The following ATAD1 variants were observed in gnomAD, a reference collection of about 807,000 sequenced individuals.
ATAD1 encodes the protein outer mitochondrial transmembrane helix translocase.
Under a neutral mutation model 42.7 loss-of-function variants are expected in ATAD1, and 18 were observed. That is an observed-to-expected ratio of 0.42 (90% CI 0.29 to 0.63). The LOEUF is 0.63. ATAD1 is among the 20% of genes least tolerant of loss of function. The probability of loss-of-function intolerance (pLI) is 0.19; values close to 1 mark genes in which losing one functional copy is unlikely to be tolerated. For synonymous variants in ATAD1, 132 were observed against 143.1 expected (o/e 0.92, Z 0.55); for missense variants, 294 against 440.4 (o/e 0.67, Z 2.98).
intron 1 of ATAD1, among the ~76,000 whole-genome samples, chr10:87,833,708 C>T (rs1313409170): frequency 1.4e-5 from 2 of 143,190 alleles, no homozygotes; most frequent in South Asian, 2.2e-4. Context: ...TGTTCTTTCT[C>T]TCTCTCTTTC....
At chr10:87,798,625 GGTGTGTGTGTGTGT>G (rs71022506) in intron 2 of ATAD1, among the ~76,000 whole-genome samples, 2 of 124,860 alleles carry the variant, frequency 1.6e-5, no homozygotes, top group South Asian at 2.4e-4. Context: ...AGCTATAGGG[GGTGTGTGTGTGTGT>G]GTGTGTGTGT....
At chr10:87,758,574 C>A (rs1319293607) in intron 8 of ATAD1, among the ~76,000 whole-genome samples, 1 of 151,804 alleles carries the variant, frequency 6.6e-6, no homozygotes, top group Non-Finnish European at 1.5e-5. Context: ...ATAGACAATA[C>A]TTATGCTAAA....
chr10:87,814,737 T>A, intron 1 of ATAD1, 125 bp from the exon 2 acceptor site: 1 of 672,024 alleles, frequency 1.5e-6, no homozygotes, highest in Non-Finnish European at 2.1e-6. Flanking sequence ...ATTACCTACC[T>A]TAAAAAAAGT....
At chr10:87,815,044 T>G (rs998438920) in intron 1 of ATAD1, among the ~76,000 whole-genome samples, 4 of 152,090 alleles carry the variant, frequency 2.6e-5, no homozygotes, top group Non-Finnish European at 4.4e-5. Context: ...TACCAGGTAA[T>G]TTTTGAGTGA....
rs146231364 is a variant in ATAD1, at chr10:87,812,316, G to T, written c.162+2122C>A. On this transcript the variant is annotated intron_variant, in intron 2 of 9. Coordinates refer to ENST00000680024, the MANE Select transcript of ATAD1 (RefSeq NM_001321967.2). ...TTTTGAGATGGAGTCTCTCTCTGTT[G>T]CCCAGGCTGGAGTGCAGGGGTGTGA... Among the ~76,000 whole-genome samples, 1,452 of 152,204 alleles carry T rather than the reference G, an allele frequency of 9.5e-3. 33 individuals are homozygous for T. The highest frequency in any genetic ancestry group is 0.033 in the African/African-American group (1,369 of 41,536).
At chr10:87,804,218 A>T (rs952876528) in intron 2 of ATAD1, among the ~76,000 whole-genome samples, 2 of 152,222 alleles carry the variant, frequency 1.3e-5, no homozygotes, top group African/African-American at 4.8e-5. Flanking sequence ...AATAGTTTTC[A>T]AGTCTACAGT....
chr10:87,754,685 T>A lies in ATAD1; in HGVS notation c.*2A>T, dbSNP rs150121323. On this transcript the variant is annotated 3_prime_UTR_variant, in exon 10 of 10. Coordinates refer to ENST00000680024, the MANE Select transcript of ATAD1 (RefSeq NM_001321967.2). The stretch of plus-strand genomic sequence containing the variant: ...ACTGAACTGTACAAATGATCTTTAC[T>A]CTTAATCTAAACAAACATGTGTTAA... The A allele has an allele frequency of 5.4e-4, 873 of 1,612,190 alleles. 1 individual carries two copies. The highest frequency in any genetic ancestry group is 1.2e-3 in the South Asian group (106 of 90,968).
intron 6 of ATAD1, 89 bp downstream of exon 6, chr10:87,776,232 T>C (rs1855297667): frequency 2.2e-6 from 2 of 904,572 alleles, no homozygotes; most frequent in Admixed American, 2.3e-5. Context: ...AAAAAAAAGT[T>C]TGTACAAAAG....
At chr10:87,835,027 T>C (rs1342917040) in intron 1 of ATAD1, among the ~76,000 whole-genome samples, 1 of 152,116 alleles carries the variant, frequency 6.6e-6, no homozygotes, top group South Asian at 2.1e-4. Context: ...ACCCATGGAT[T>C]ACTTAGAAGT....
chr10:87,754,805 T>C lies in ATAD1; in HGVS notation c.968A>G (p.His323Arg), dbSNP rs1854147234. Residue 323 changes from histidine to arginine, a missense_variant and splice_region_variant, in exon 10 of 10, where the codon CAT becomes CGT. Physicochemically the swap from His to Arg is conservative, Grantham distance 29 (BLOSUM62 0). Transcript: ENST00000680024. Reference sequence around the variant, plus strand: ...AACAGGCCGAATTTCATCTTCGTCATGGCTAAAATGCAAACAAAACCATCA... The same window carrying C: ...AACAGGCCGAATTTCATCTTCGTCACGGCTAAAATGCAAACAAAACCATCA... ...EYVNSTSEES[H>R]DEDEIRPVQQ... 3 of 1,611,846 alleles carry C rather than the reference T, an allele frequency of 1.9e-6. No individual in the cohort carries two copies. The highest frequency in any genetic ancestry group is 2.7e-5 in the African/African-American group (2 of 74,894).
At chr10:87,816,021 T>C (rs2132072257) in intron 1 of ATAD1, among the ~76,000 whole-genome samples, 1 of 152,258 alleles carries the variant, frequency 6.6e-6, no homozygotes, top group South Asian at 2.1e-4. Flanking sequence ...AAAAATCAAC[T>C]TTATTTGCTC....
Position 87,752,809 on chromosome 10 carries a change from A to G in ATAD1, c.*1878T>C, listed in dbSNP as rs1466661311. The G allele has an allele frequency of 6.6e-6, 1 of 152,210 alleles. No individual in the cohort carries two copies. The highest frequency in any genetic ancestry group is 1.5e-5 in the Non-Finnish European group (1 of 68,032). The allele number at this position is 152,210 out of a possible 1,614,324, so 9.4% of individuals were successfully genotyped here. A position where few individuals can be genotyped will look rare whatever the true frequency, so the allele number is the denominator to read the frequency against. On this transcript the variant is annotated 3_prime_UTR_variant, in exon 10 of 10. Coordinates refer to ENST00000680024, the MANE Select transcript of ATAD1 (RefSeq NM_001321967.2). ...TAGTATACTTCTCTAACTTCATTTG[A>G]TGATTAAAACCACGAAGAAATTGAA...
chr10:87,832,682 C>A (rs1352328488), intron 1 of ATAD1: 1 of 151,616 alleles, frequency 6.6e-6, no homozygotes, highest in African/African-American at 2.4e-5. Context: ...ATTTAAAATA[C>A]AATTTAAAAT....
intron 8 of ATAD1, among the ~76,000 whole-genome samples, chr10:87,759,425 C>A (rs1211643481): frequency 6.6e-6 from 1 of 151,900 alleles, no homozygotes; most frequent in African/African-American, 2.4e-5. Flanking sequence ...GATAATGGGG[C>A]TATTTGTTTA....
chr10:87,753,173 AT>A lies in ATAD1; in HGVS notation c.*1513del, dbSNP rs1854083837. 1 of 152,176 alleles carries A rather than the reference AT, an allele frequency of 6.6e-6. No individual in the cohort carries two copies. Among genetic ancestry groups the A allele is most frequent in the Admixed American group, 6.5e-5 (1 of 15,274 alleles). The allele number at this position is 152,176 out of a possible 1,614,324, so 9.4% of individuals were successfully genotyped here. On this transcript the variant is annotated 3_prime_UTR_variant, in exon 10 of 10. Coordinates refer to ENST00000680024, the MANE Select transcript of ATAD1 (RefSeq NM_001321967.2). The stretch of plus-strand genomic sequence containing the variant: ...AAATAATAGAATATAGTTATTAAAA[AT>A]GGGACACTTTTTTTCATTTTTGGTA...
At chr10:87,781,097 A>C (rs2131864569) in intron 5 of ATAD1, among the ~76,000 whole-genome samples, 2 of 152,266 alleles carry the variant, frequency 1.3e-5, no homozygotes, top group Middle Eastern at 6.8e-3. Context: ...AGTACTCTGG[A>C]TCTTCTTAGG....
At chr10:87,784,407 C>T in intron 5 of ATAD1, 63 bp downstream of exon 5, 1 of 1,486,548 alleles carries the variant, frequency 6.7e-7, no homozygotes, top group Non-Finnish European at 9.3e-7. Context: ...AAAACTAAAT[C>T]TGGTTATCTA....
chr10:87,820,952 T>C (rs1441714984), upstream of ATAD1, among the ~76,000 whole-genome samples: 2 of 152,166 alleles, frequency 1.3e-5, no homozygotes, highest in Non-Finnish European at 2.9e-5. Flanking sequence ...AATAATTCAA[T>C]ATATATAATA....
chr10:87,766,887 C>T (rs1388814655), intron 8 of ATAD1, among the ~76,000 whole-genome samples: 1 of 151,754 alleles, frequency 6.6e-6, no homozygotes, highest in Non-Finnish European at 1.5e-5. Context: ...ATTAAATATA[C>T]ATACTTTAAT....
Sources: gnomAD v4.1 joint callset for allele counts (sites outside exome capture counted in the v4.1 genomes callset) on GRCh38, gnomAD v4.1.1 for gene constraint, MANE v1.5 for transcripts, NCBI Gene and HGNC (gene_info 2026-07-23, HGNC 2026-07-21) for gene names.